The following TCFL5 variants were observed in gnomAD, a reference collection of about 807,000 sequenced individuals.
TCFL5 encodes the protein transcription factor-like 5 protein.
A neutral mutation model predicts 44.3 loss-of-function variants in TCFL5; 9 were observed. That is an observed-to-expected ratio of 0.20 (90% CI 0.12 to 0.35). TCFL5 has a LOEUF of 0.35. Among genes scored for constraint, TCFL5 ranks in the 10% least tolerant of loss-of-function variants. The probability of loss-of-function intolerance (pLI) is 1.00; values close to 1 mark genes in which losing one functional copy is unlikely to be tolerated. For missense variants in TCFL5, 603 were observed against 613.4 expected (o/e 0.98, Z 0.18); for synonymous variants, 319 against 271.6 (o/e 1.17, Z -1.72).
rs769201463 is a variant in TCFL5 at position 62,857,352 on chromosome 20, TA to T, written c.1238+42del. On this transcript the variant is annotated intron_variant, in intron 4 of 5. Transcript: ENST00000335351. ...CTGTGATAACCATGTATGACTAAGG[TA>T]ATCATATATGAGTCAGCCTGACAAG... is the stretch of plus-strand genomic sequence containing the variant. The T allele has an allele frequency of 2.5e-4, 404 of 1,605,992 alleles. 7 individuals carry two copies. In the East Asian group the frequency reaches 8.8e-3, roughly 35 times the overall value.
chr20:62,841,936 A>C lies in TCFL5; in HGVS notation c.*39T>G. The C allele has an allele frequency of 6.2e-7, 1 of 1,612,054 alleles. No individual in the cohort carries two copies. The highest frequency in any genetic ancestry group is 8.5e-7 in the Non-Finnish European group (1 of 1,179,524). On this transcript the variant is annotated 3_prime_UTR_variant, in exon 6 of 6. Transcript: ENST00000335351. ...AGAAGGCGTGCACAGGTCACGAAGG[A>C]ATGGCTGTTCACCCCCCGAGGATTC...
intron 4 of TCFL5, 73 bp from the exon 5 acceptor site, chr20:62,854,230 G>A (rs2063854409): frequency 1.3e-6 from 2 of 1,566,878 alleles, no homozygotes; most frequent in East Asian, 2.3e-5. Flanking sequence ...AGCGTCTCCT[G>A]TAGTACTTGA....
At chr20:62,843,285 G>A (rs1020916803) in intron 5 of TCFL5, among the ~76,000 whole-genome samples, 2 of 152,314 alleles carry the variant, frequency 1.3e-5, no homozygotes, top group East Asian at 3.9e-4. Context: ...GCTCAGATTC[G>A]GGAAGGAGAC....
chr20:62,844,707 T>C (rs1000201449), intron 5 of TCFL5: 3 of 202,372 alleles, frequency 1.5e-5, no homozygotes, highest in Non-Finnish European at 2.6e-5. Context: ...GCAATTTTCC[T>C]GCCTCAGCCT....
At chr20:62,854,856 G>A (rs2063863515) in intron 4 of TCFL5, among the ~76,000 whole-genome samples, 1 of 152,130 alleles carries the variant, frequency 6.6e-6, no homozygotes, top group South Asian at 2.1e-4. Context: ...ACTTTAATTA[G>A]AGACTTTGCC....
chr20:62,859,482 C>A lies in TCFL5; in HGVS notation c.876G>T (p.Gln292His), dbSNP rs777090737. The change falls in exon 3 of 6, where the codon CAG becomes CAT. Residue 292 changes from glutamine to histidine, a missense_variant. Coordinates refer to ENST00000335351, the MANE Select transcript of TCFL5 (RefSeq NM_006602.4). ...SCSVLEAAKH[Q>H]DIGLPRAFSF... The stretch of plus-strand genomic sequence containing the variant: ...AAAATGCTCTAGGCAATCCAATATC[C>A]TGGTGCTTGGCAGCTTCAAGTACAG... 18 of 1,613,896 alleles carry A rather than the reference C, an allele frequency of 1.1e-5. No homozygotes were observed. The South Asian group carries it at 1.9e-4, about 17-fold the overall frequency.
intron 5 of TCFL5, among the ~76,000 whole-genome samples, chr20:62,846,463 T>G (rs2063743916): frequency 6.6e-6 from 1 of 152,224 alleles, no homozygotes; most frequent in African/African-American, 2.4e-5. Context: ...GCACTCTCAA[T>G]CTGCACCTCA....
intron 5 of TCFL5, 69 bp downstream of exon 5, chr20:62,853,947 A>C: frequency 6.5e-7 from 1 of 1,543,682 alleles, no homozygotes; most frequent in South Asian, 1.1e-5. Flanking sequence ...AGTTATCCTT[A>C]GGAAAAAGGA....
In TCFL5 at chr20:62,861,272, C is replaced by T. The variant is rs77206349; in HGVS notation, c.399G>A (p.Leu133=). Residue 133 remains leucine (L), a synonymous_variant, in exon 1 of 6, where the codon CTG becomes CTA. Coordinates refer to ENST00000335351, the MANE Select transcript of TCFL5 (RefSeq NM_006602.4). The surrounding 1 kb of genome is among the most constrained non-coding windows in gnomAD (Gnocchi z 4.0). ...TCTCCGCCGCGCCCGCCTCGCTTAG[C>T]AGCATCATGCGCAGCTCCTGGAAGT... ...HIDFQELRMM[L]LSEAGAAEKT... 352 of 1,221,594 alleles carry T rather than the reference C, an allele frequency of 2.9e-4. 1 individual carries two copies. The African/African-American group carries it at 5.3e-3, about 18-fold the overall frequency. 75.7% of individuals were successfully genotyped at this position (1,221,594 alleles called of 1,614,324 possible). A position where few individuals can be genotyped will look rare whatever the true frequency, so the allele number is the denominator to read the frequency against.
chr20:62,850,965 C>A (rs919043770), intron 5 of TCFL5, among the ~76,000 whole-genome samples: 5 of 152,212 alleles, frequency 3.3e-5, no homozygotes, highest in African/African-American at 1.2e-4. Context: ...GTTTACTCGT[C>A]CCCTGCCTCC....
chr20:62,853,933 T>G (rs1386101567), intron 5 of TCFL5, 83 bp downstream of exon 5: 16 of 1,453,274 alleles, frequency 1.1e-5, no homozygotes, highest in African/African-American at 2.8e-5. Flanking sequence ...CAAAGGATAG[T>G]TTGAGTTATC....
rs1480547607 is a variant in TCFL5, at chr20:62,853,963, A to G, written c.1380+53T>C. The stretch of plus-strand genomic sequence containing the variant: ...GTTATCCTTAGGAAAAAGGAGGGAC[A>G]TTGTTAAGTAAAATTTGTAAAATTC... On this transcript the variant is annotated intron_variant, in intron 5 of 5. Coordinates refer to ENST00000335351, the MANE Select transcript of TCFL5 (RefSeq NM_006602.4). 3.1e-6 allele frequency: 5 copies of G among 1,594,494 alleles called. No homozygotes were observed. The Admixed American group carries it at 8.5e-5, about 27-fold the overall frequency.
chr20:62,861,006 C>G lies in TCFL5; in HGVS notation c.647+18G>C. On this transcript the variant is annotated intron_variant, in intron 1 of 5. Coordinates refer to ENST00000335351, the MANE Select transcript of TCFL5 (RefSeq NM_006602.4). This position sits in a 1 kb window ranked among gnomAD's most constrained non-coding sequence, Gnocchi z 4.0. ...CCTCCACCCGGGCCCCGCCAGCCCC[C>G]GGCCGCCGGGCACGCACTTGTTGAG... The G allele has an allele frequency of 1.0e-6, 1 of 992,984 alleles. No homozygotes were observed. The highest frequency in any genetic ancestry group is 1.2e-6 in the Non-Finnish European group (1 of 835,744). 61.5% of individuals were successfully genotyped at this position (992,984 alleles called of 1,614,324 possible).
Position 62,841,176 on chromosome 20 carries a change from T to C in TCFL5, c.*799A>G, listed in dbSNP as rs2063676166. On this transcript the variant is annotated 3_prime_UTR_variant, in exon 6 of 6. Transcript: ENST00000335351. ...TCTCCCATACAAAGGTCTAGTCTGA[T>C]GTTTTGTGTACAAACTCACATCTCC... The C allele has an allele frequency of 5.7e-6, 1 of 175,726 alleles. No homozygotes were observed. The highest frequency in any genetic ancestry group is 1.2e-5 in the Non-Finnish European group (1 of 83,472). 10.9% of individuals were successfully genotyped at this position (175,726 alleles called of 1,614,324 possible). A position where few individuals can be genotyped will look rare whatever the true frequency, so the allele number is the denominator to read the frequency against.
intron 5 of TCFL5, chr20:62,845,943 G>C: frequency 6.8e-7 from 1 of 1,475,104 alleles, no homozygotes; most frequent in Non-Finnish European, 9.1e-7. Flanking sequence ...ACCCTGAACA[G>C]CTGGAAATGA....
intron 5 of TCFL5, among the ~76,000 whole-genome samples, chr20:62,847,202 A>G (rs2063755559): frequency 6.6e-6 from 1 of 151,880 alleles, no homozygotes; most frequent in African/African-American, 2.4e-5. Context: ...AAAAAAAATT[A>G]CAAGCTATTT....
chr20:62,857,161 G>T (rs573107672), intron 4 of TCFL5, among the ~76,000 whole-genome samples: 2 of 152,176 alleles, frequency 1.3e-5, no homozygotes, highest in Non-Finnish European at 1.5e-5. Flanking sequence ...TTTCTCCATA[G>T]TAAGTCACAG....
chr20:62,848,337 C>T (rs1039326217), intron 5 of TCFL5, among the ~76,000 whole-genome samples: 1 of 152,212 alleles, frequency 6.6e-6, no homozygotes. Flanking sequence ...GACGCCATCC[C>T]GACTGGGGAA....
intron 4 of TCFL5, among the ~76,000 whole-genome samples, chr20:62,854,464 G>A (rs565822624): frequency 1.3e-5 from 2 of 152,302 alleles, no homozygotes; most frequent in South Asian, 4.1e-4. Context: ...ATTAGGGATG[G>A]CTCCAAAGCC....
Sources: gnomAD v4.1 joint callset for allele counts (sites outside exome capture counted in the v4.1 genomes callset) on GRCh38, gnomAD v4.1.1 for gene constraint, Gnocchi (gnomAD v3.1) non-coding constraint, MANE v1.5 for transcripts, NCBI Gene and HGNC (gene_info 2026-07-23, HGNC 2026-07-21) for gene names.